MAML3: variants seen among roughly 807,000 people sequenced by gnomAD.
The protein encoded by MAML3 is mastermind-like protein 3.
Under a neutral mutation model 101.9 loss-of-function variants are expected in MAML3, and 27 were observed. The observed-to-expected ratio is 0.27, with a 90% confidence interval of 0.20 to 0.37. The LOEUF is 0.37. MAML3 is among the 10% of genes least tolerant of loss of function. The probability of loss-of-function intolerance (pLI) is 1.00; values close to 1 mark genes in which losing one functional copy is unlikely to be tolerated. For missense variants in MAML3, 1,316 were observed against 1,444.9 expected (o/e 0.91, Z 1.45); for synonymous variants, 501 against 555.9 (o/e 0.90, Z 1.39).
intron 2 of MAML3, among the ~76,000 whole-genome samples, chr4:139,811,574 C>T (rs1170930032): frequency 6.6e-6 from 1 of 152,180 alleles, no homozygotes; most frequent in Non-Finnish European, 1.5e-5. Context: ...ACTATGGCAG[C>T]TCCAAGTGGA....
intron 1 of MAML3, among the ~76,000 whole-genome samples, chr4:140,025,322 T>C (rs1726804538): frequency 6.6e-6 from 1 of 152,148 alleles, no homozygotes; most frequent in East Asian, 1.9e-4. Context: ...CTGAGATTTT[T>C]ACTTTGACAA....
At chr4:139,944,665 A>G (rs2110745788) in intron 1 of MAML3, among the ~76,000 whole-genome samples, 1 of 150,784 alleles carries the variant, frequency 6.6e-6, no homozygotes, top group South Asian at 2.1e-4. Context: ...TCTCAAAAGA[A>G]GACATTTATG....
intron 3 of MAML3, 53 bp from the exon 4 acceptor site, chr4:139,725,888 A>G (rs1728453584): frequency 1.4e-6 from 2 of 1,422,108 alleles, no homozygotes; most frequent in Non-Finnish European, 2.0e-6. Flanking sequence ...GAGCAAGCAC[A>G]CAATTCAATA....
intron 2 of MAML3, among the ~76,000 whole-genome samples, chr4:139,747,779 C>T (rs976410119): frequency 5.9e-5 from 9 of 151,990 alleles, no homozygotes; most frequent in Admixed American, 2.6e-4. Context: ...ATAGGCTGGG[C>T]GTGGTGGCTC....
At chr4:140,056,561 A>C (rs62345588) in intron 1 of MAML3, among the ~76,000 whole-genome samples, 53,699 of 151,578 alleles carry the variant, frequency 0.35, 9,843 homozygotes, top group Middle Eastern at 0.38. Context: ...AATCCCAGAA[A>C]TTTGAGAGGC....
At chr4:140,052,430 G>C (rs1232485286) in intron 1 of MAML3, among the ~76,000 whole-genome samples, 1 of 152,082 alleles carries the variant, frequency 6.6e-6, no homozygotes, top group African/African-American at 2.4e-5. Flanking sequence ...GTGTAATTGT[G>C]TGACTCTGCC....
chr4:139,751,375 A>T (rs902795427), intron 2 of MAML3, among the ~76,000 whole-genome samples: 1 of 152,200 alleles, frequency 6.6e-6, no homozygotes, highest in Non-Finnish European at 1.5e-5. Flanking sequence ...ATGGGACCCA[A>T]GTCTAAACAC....
intron 1 of MAML3, among the ~76,000 whole-genome samples, chr4:140,125,295 C>T (rs2111031251): frequency 6.6e-6 from 1 of 152,168 alleles, no homozygotes; most frequent in East Asian, 1.9e-4. Flanking sequence ...GAGCCAGGTG[C>T]AGTGGTACAT....
intron 1 of MAML3, among the ~76,000 whole-genome samples, chr4:140,059,856 T>C (rs1382693818): frequency 6.6e-6 from 1 of 152,306 alleles, no homozygotes; most frequent in Admixed American, 6.5e-5. Context: ...TGCATCTTTT[T>C]CAAAAAGAAC....
intron 1 of MAML3, 104 bp from the exon 2 acceptor site, chr4:139,891,071 GAC>G: frequency 7.7e-7 from 1 of 1,293,558 alleles, no homozygotes; most frequent in East Asian, 2.5e-5. Context: ...AGTGGTTTAC[GAC>G]ACACAGGAAA....
At chr4:139,940,496 T>G (rs531799713) in intron 1 of MAML3, among the ~76,000 whole-genome samples, 1 of 152,220 alleles carries the variant, frequency 6.6e-6, no homozygotes, top group Non-Finnish European at 1.5e-5. Flanking sequence ...AATTCTGTTA[T>G]GACTACTTTG....
intron 1 of MAML3, among the ~76,000 whole-genome samples, chr4:139,973,976 A>G (rs1292706867): frequency 6.6e-6 from 1 of 152,230 alleles, no homozygotes; most frequent in Admixed American, 6.5e-5. Context: ...CAAATTACAT[A>G]CAAGTATTTT....
intron 2 of MAML3, among the ~76,000 whole-genome samples, chr4:139,862,832 G>T (rs1317006098): frequency 6.6e-6 from 1 of 152,196 alleles, no homozygotes; most frequent in Non-Finnish European, 1.5e-5. Flanking sequence ...TCGGAATATG[G>T]AGCAGTACAG....
intron 1 of MAML3, among the ~76,000 whole-genome samples, chr4:140,094,828 T>A (rs1728128901): frequency 6.6e-6 from 1 of 152,374 alleles, no homozygotes; most frequent in East Asian, 1.9e-4. Flanking sequence ...AATAGCTGTC[T>A]CTCTGTGTCA....
At chr4:139,853,967 A>G (rs2111158419) in intron 2 of MAML3, among the ~76,000 whole-genome samples, 1 of 151,946 alleles carries the variant, frequency 6.6e-6, no homozygotes, top group East Asian at 1.9e-4. Context: ...GATTACAGGC[A>G]TGCGCCATCA....
At chr4:140,127,675 A>C (rs1363834002) in intron 1 of MAML3, among the ~76,000 whole-genome samples, 1 of 152,216 alleles carries the variant, frequency 6.6e-6, no homozygotes, top group Non-Finnish European at 1.5e-5. Context: ...TGATATTTAT[A>C]GAAGGCTCAC....
At chr4:140,022,255 TG>T (rs1239423450) in intron 1 of MAML3, among the ~76,000 whole-genome samples, 3 of 152,228 alleles carry the variant, frequency 2.0e-5, no homozygotes, top group Non-Finnish European at 2.9e-5. Context: ...ATGGGTAAAA[TG>T]TTTTTTTAGT....
intron 1 of MAML3, among the ~76,000 whole-genome samples, chr4:139,977,073 C>T (rs1734352737): frequency 6.6e-6 from 1 of 152,130 alleles, no homozygotes; most frequent in African/African-American, 2.4e-5. Flanking sequence ...ATAAGAGTTC[C>T]TGGTGAGCTG....
At chr4:139,873,727 G>A (rs886353254) in intron 2 of MAML3, among the ~76,000 whole-genome samples, 3 of 152,128 alleles carry the variant, frequency 2.0e-5, no homozygotes, top group African/African-American at 4.8e-5. Flanking sequence ...CCATGGGAGG[G>A]AGCCACATAT....
Sources: allele counts gnomAD v4.1 joint callset (sites outside exome capture counted in the v4.1 genomes callset), GRCh38; gene constraint gnomAD v4.1.1; transcripts MANE v1.5; gene names NCBI Gene and HGNC (gene_info 2026-07-23, HGNC 2026-07-21).